L3MBTL4: variants seen among roughly 807,000 people sequenced by gnomAD.
L3MBTL4 encodes lethal(3)malignant brain tumor-like protein 4.
Under a neutral mutation model 84.5 loss-of-function variants are expected in L3MBTL4, and 70 were observed. The observed-to-expected ratio is 0.83, with a 90% CI of 0.68 to 1.01. L3MBTL4 has a LOEUF of 1.01. Ranked by LOEUF, L3MBTL4 falls within the 50% of genes least tolerant of loss-of-function variation. The pLI, the probability that L3MBTL4 is intolerant of heterozygous loss-of-function variation, is 0.00. For missense variants in L3MBTL4, 715 were observed against 754.8 expected, an observed-to-expected ratio of 0.95 and a Z score of 0.62; for synonymous variants, 274 against 259.8, an observed-to-expected ratio of 1.05 and a Z score of -0.52.
chr18:6,304,681 A>ACTC (rs1426507292), intron 3 of L3MBTL4, among the ~76,000 whole-genome samples: 1 of 151,832 alleles, frequency 6.6e-6, no homozygotes, highest in East Asian at 1.9e-4. Flanking sequence ...GAGACGATGA[A>ACTC]CTCCTGTCTT....
At chr18:5,995,396 C>T (rs2053911722) in intron 16 of L3MBTL4, among the ~76,000 whole-genome samples, 1 of 152,140 alleles carries the variant, frequency 6.6e-6, no homozygotes, top group Non-Finnish European at 1.5e-5. Context: ...TCTTATTCAA[C>T]ATACTACAGA....
At chr18:6,166,330 T>C (rs1461410301) in intron 13 of L3MBTL4, among the ~76,000 whole-genome samples, 4 of 152,010 alleles carry the variant, frequency 2.6e-5, no homozygotes, top group Non-Finnish European at 5.9e-5. Flanking sequence ...CAAGCGGACC[T>C]AATAGACATC....
chr18:6,245,184 C>T (rs12150755), intron 5 of L3MBTL4, among the ~76,000 whole-genome samples: 349 of 152,284 alleles, frequency 2.3e-3, no homozygotes, highest in African/African-American at 2.6e-3. Context: ...CAGGCCACCA[C>T]GCCCAGCCCA....
intron 14 of L3MBTL4, among the ~76,000 whole-genome samples, chr18:6,134,238 C>T (rs945149495): frequency 1.3e-5 from 2 of 152,162 alleles, no homozygotes; most frequent in Non-Finnish European, 2.9e-5. Flanking sequence ...GATTCAATTA[C>T]TTCCCCCTGG....
intron 16 of L3MBTL4, among the ~76,000 whole-genome samples, chr18:6,048,785 T>C (rs1242536444): frequency 2.0e-4 from 21 of 107,320 alleles, no homozygotes; most frequent in Non-Finnish European, 3.1e-4. Context: ...TAAGACTCCA[T>C]CTCAAAAAAA....
chr18:6,298,608 C>T (rs2050202463), intron 4 of L3MBTL4, among the ~76,000 whole-genome samples: 1 of 152,230 alleles, frequency 6.6e-6, no homozygotes. Flanking sequence ...CGCAGTGGCT[C>T]ATGCCTGTAA....
rs1025715483 is a variant in L3MBTL4, at chr18:6,075,657, C to T, written c.1444+5224G>A. Among the ~76,000 whole-genome samples the T allele has an allele frequency of 2.6e-5, 4 of 152,182 alleles. No homozygotes were observed. The East Asian group carries it at 7.7e-4, about 29-fold the overall frequency. ...ACTAAAAGCATTAATCAAAATAGAA[C>T]TGATAGACTATATTAAAATCTGGAA... On this transcript the variant is annotated intron_variant, in intron 16 of 18. Transcript: ENST00000317931.
intron 1 of L3MBTL4, among the ~76,000 whole-genome samples, chr18:6,341,165 G>T (rs2052590934): frequency 6.6e-6 from 1 of 152,012 alleles, no homozygotes; most frequent in East Asian, 1.9e-4. Context: ...GGCTGGAAGA[G>T]GTGACTACTT....
chr18:5,975,519 T>C (rs1167454264), intron 16 of L3MBTL4, among the ~76,000 whole-genome samples: 1 of 152,210 alleles, frequency 6.6e-6, no homozygotes, highest in Admixed American at 6.5e-5. Context: ...CAAGGAAATG[T>C]TCAGAGATGG....
Position 6,201,913 on chromosome 18 carries a change from A to C in L3MBTL4, c.981+11236T>G, listed in dbSNP as rs138141517. Among the ~76,000 whole-genome samples the C allele has an allele frequency of 1.3e-4, 20 of 152,356 alleles. No individual in the cohort carries two copies. In the East Asian group the frequency reaches 3.7e-3, roughly 28 times the overall value. On this transcript the variant is annotated intron_variant, in intron 12 of 18. Transcript: ENST00000317931. The stretch of plus-strand genomic sequence containing the variant: ...AAAAAGTGTGGAATAAGATAGTGTT[A>C]AGTTAGGTTGAGTCTAAAGCTGCCT...
At chr18:6,221,878 A>G (rs2046570168) in intron 10 of L3MBTL4, among the ~76,000 whole-genome samples, 1 of 152,206 alleles carries the variant, frequency 6.6e-6, no homozygotes. Flanking sequence ...AAGTTACACT[A>G]CCTGAAAGCT....
intron 4 of L3MBTL4, among the ~76,000 whole-genome samples, chr18:6,272,170 C>T (rs150960780): frequency 6.6e-6 from 1 of 152,122 alleles, no homozygotes; most frequent in Non-Finnish European, 1.5e-5. Flanking sequence ...GAGGGATAAT[C>T]GACGGGAGAG....
At chr18:6,270,387 C>T (rs76718349) in intron 4 of L3MBTL4, among the ~76,000 whole-genome samples, 1,914 of 152,304 alleles carry the variant, frequency 0.013, 37 homozygotes, top group African/African-American at 0.043. Context: ...GAGAATCCAA[C>T]TTCTCCCTCA....
intron 16 of L3MBTL4, among the ~76,000 whole-genome samples, chr18:6,049,866 A>G (rs1439777850): frequency 6.6e-6 from 1 of 152,214 alleles, no homozygotes; most frequent in Non-Finnish European, 1.5e-5. Flanking sequence ...CTTGAATTGA[A>G]AATAAAAGTT....
At chr18:6,092,030 C>T (rs529075184) in intron 15 of L3MBTL4, among the ~76,000 whole-genome samples, 5 of 152,164 alleles carry the variant, frequency 3.3e-5, no homozygotes, top group African/African-American at 9.6e-5. Flanking sequence ...TAAAGAACAA[C>T]GAGACCCTGT....
At chr18:6,182,473 C>A (rs1321055484) in intron 12 of L3MBTL4, among the ~76,000 whole-genome samples, 1 of 152,196 alleles carries the variant, frequency 6.6e-6, no homozygotes, top group African/African-American at 2.4e-5. Flanking sequence ...CAAATATTTT[C>A]TCCCATTCTG....
chr18:6,192,274 A>G (rs1365868377), intron 12 of L3MBTL4, among the ~76,000 whole-genome samples: 3 of 152,214 alleles, frequency 2.0e-5, no homozygotes, highest in Non-Finnish European at 2.9e-5. Flanking sequence ...ACATAATACC[A>G]TATTTGTTGA....
intron 16 of L3MBTL4, among the ~76,000 whole-genome samples, chr18:6,012,006 T>G (rs1333123932): frequency 1.3e-5 from 2 of 152,346 alleles, no homozygotes; most frequent in South Asian, 4.1e-4. Context: ...TTCTTTGGCT[T>G]GAAGCACATT....
At chr18:6,238,573 C>T (rs2047317905) in intron 9 of L3MBTL4, among the ~76,000 whole-genome samples, 1 of 151,978 alleles carries the variant, frequency 6.6e-6, no homozygotes, top group African/African-American at 2.4e-5. Flanking sequence ...TTGCCAAGGG[C>T]CTGAATGAGC....
Sources: gnomAD v4.1 joint callset for allele counts (sites outside exome capture counted in the v4.1 genomes callset) on GRCh38, gnomAD v4.1.1 for gene constraint, MANE v1.5 for transcripts, NCBI Gene and HGNC (gene_info 2026-07-23, HGNC 2026-07-21) for gene names.